ITGA4: variants seen among roughly 807,000 people sequenced by gnomAD.
The protein encoded by ITGA4 is integrin alpha-4.
ITGA4 carries 63 observed loss-of-function variants against 133.6 expected under a neutral mutation model. The ratio of observed to expected loss-of-function variants is 0.47; its 90% CI spans 0.38 to 0.58. The LOEUF (loss-of-function observed/expected upper bound fraction) is 0.58, where lower values mean the gene tolerates loss of function less well. Ranked by LOEUF, ITGA4 falls within the 20% of genes least tolerant of loss-of-function variation. ITGA4 has a pLI of 0.00. For synonymous variants in ITGA4, 483 were observed against 438.0 expected (o/e 1.10, Z -1.28); for missense variants, 1,076 against 1,252.7 (o/e 0.86, Z 2.13).
intron 9 of ITGA4, among the ~76,000 whole-genome samples, chr2:181,484,329 C>A (rs982307414): frequency 6.6e-6 from 1 of 152,108 alleles, no homozygotes; most frequent in Non-Finnish European, 1.5e-5. Context: ...GGGTTCCTAG[C>A]GAACTCTCAG....
At chr2:181,520,306 G>A (rs1235492097) in intron 17 of ITGA4, among the ~76,000 whole-genome samples, 2 of 152,042 alleles carry the variant, frequency 1.3e-5, no homozygotes, top group African/African-American at 2.4e-5. Flanking sequence ...GAAGGAAGAC[G>A]CAAAACATCC....
intron 17 of ITGA4, among the ~76,000 whole-genome samples, chr2:181,519,255 C>A (rs770329273): frequency 6.6e-6 from 1 of 151,836 alleles, no homozygotes; most frequent in Non-Finnish European, 1.5e-5. Context: ...AAATACAAAA[C>A]CGAACAAAAC....
intron 17 of ITGA4, among the ~76,000 whole-genome samples, chr2:181,518,336 G>A (rs1686651947): frequency 6.6e-6 from 1 of 152,100 alleles, no homozygotes; most frequent in South Asian, 2.1e-4. Flanking sequence ...GATGATGCAT[G>A]TGGAAGTAGC....
chr2:181,482,927 TCA>T (rs1398843812), intron 9 of ITGA4, among the ~76,000 whole-genome samples: 1 of 152,164 alleles, frequency 6.6e-6, no homozygotes, highest in Non-Finnish European at 1.5e-5. Flanking sequence ...GAAATTTCTT[TCA>T]GTTTTATGTT....
At chr2:181,489,587 A>G (rs1324261125) in intron 10 of ITGA4, among the ~76,000 whole-genome samples, 1 of 152,200 alleles carries the variant, frequency 6.6e-6, no homozygotes, top group African/African-American at 2.4e-5. Context: ...ACAATTGTAA[A>G]TTACAAGCTG....
intron 19 of ITGA4, 79 bp from the exon 20 acceptor site, chr2:181,524,092 C>G: frequency 2.2e-6 from 2 of 915,454 alleles, no homozygotes; most frequent in Non-Finnish European, 3.4e-6. Context: ...AGAACATAAA[C>G]TTTTAAGAAA....
At chr2:181,511,556 T>C in intron 16 of ITGA4, 143 bp from the exon 17 acceptor site, 1 of 545,150 alleles carries the variant, frequency 1.8e-6, no homozygotes, top group East Asian at 2.9e-5. Context: ...TTGAACTTTT[T>C]AAAAGAGATA....
At chr2:181,531,868 C>A in intron 25 of ITGA4, 92 bp downstream of exon 25, 1 of 815,766 alleles carries the variant, frequency 1.2e-6, no homozygotes, top group Non-Finnish European at 1.8e-6. Flanking sequence ...TGAAGGCATT[C>A]AACAAATTAA....
At chr2:181,472,066 G>A (rs1047366477) in intron 2 of ITGA4, among the ~76,000 whole-genome samples, 1 of 152,232 alleles carries the variant, frequency 6.6e-6, no homozygotes, top group Non-Finnish European at 1.5e-5. Context: ...AAGTGAGAAA[G>A]TGAGTAGTTT....
Position 181,480,139 on chromosome 2 carries a change from T to G in ITGA4, c.627T>G (p.Asp209Glu). Residue 209 changes from aspartate to glutamate, a missense_variant and splice_region_variant, in exon 6 of 28, where the codon GAT becomes GAG. By Grantham distance (45) the Asp-to-Glu change is conservative (BLOSUM62 2). Coordinates refer to ENST00000397033, the MANE Select transcript of ITGA4 (RefSeq NM_000885.6). ...QAGISSFYTKDLIVMGAPGSS... is the reference protein window; with the variant it reads ...QAGISSFYTKELIVMGAPGSS... ...TAATAGTTTTTTTTTTCTTACAGGA[T>G]TTAATTGTGATGGGGGCCCCAGGAT... 1 of 1,547,308 alleles carries G rather than the reference T, an allele frequency of 6.5e-7. No homozygotes were observed. The highest frequency in any genetic ancestry group is 8.7e-7 in the Non-Finnish European group (1 of 1,152,600).
At position 181,495,826 on chromosome 2, in the gene ITGA4, G is replaced by T. The variant is rs1427362651; in HGVS notation, c.1429G>T (p.Glu477Ter). 1 of 1,613,928 alleles carries T rather than the reference G, an allele frequency of 6.2e-7. No individual in the cohort carries two copies. The highest frequency in any genetic ancestry group is 8.5e-7 in the Non-Finnish European group (1 of 1,179,848). Residue 477 changes from glutamate to a stop codon, truncating the protein, a stop_gained, in exon 14 of 28, where the codon GAG (glutamate) becomes TAG (stop). Coordinates refer to ENST00000397033, the MANE Select transcript of ITGA4 (RefSeq NM_000885.6). LOFTEE classifies it high-confidence loss of function. This position sits in a 1 kb window ranked among gnomAD's most constrained non-coding sequence, Gnocchi z 4.3. ...TGTTGACGCTTCTTTAAGCCACCCT[G>T]AGTCAGTAAATAGAACGAAATTTGA... ...VIVDASLSHP[E>*]SVNRTKFDCV...
chr2:181,524,460 G>C, intron 20 of ITGA4: 1 of 444,266 alleles, frequency 2.3e-6, no homozygotes, highest in Non-Finnish European at 3.9e-6. Flanking sequence ...TATTAGATTA[G>C]ATTAGAGTAG....
At chr2:181,507,514 A>T (rs553067511) in intron 15 of ITGA4, among the ~76,000 whole-genome samples, 30 of 152,156 alleles carry the variant, frequency 2.0e-4, no homozygotes, top group Middle Eastern at 6.8e-3. Flanking sequence ...ACTGTGTTTT[A>T]TATGCTACCT....
chr2:181,492,701 A>T (rs155117), intron 10 of ITGA4, among the ~76,000 whole-genome samples: 151,271 of 152,316 alleles, frequency 0.99, 75,132 homozygotes, highest in Middle Eastern at 1. Context: ...AAAGGTGATA[A>T]AATCATTATT....
Position 181,457,505 on chromosome 2 carries a change from C to T in ITGA4, c.-150C>T, listed in dbSNP as rs1685150005. Reference sequence around the variant, plus strand: ...CGCCCGCGGTGGGCCGACTTCCCCTCCTCTTCCCTCTCTCCTTCCTTTAGC... The same window carrying T: ...CGCCCGCGGTGGGCCGACTTCCCCTTCTCTTCCCTCTCTCCTTCCTTTAGC... On this transcript the variant is annotated 5_prime_UTR_variant, in exon 1 of 28. Transcript: ENST00000397033. 8.3e-6 allele frequency: 6 copies of T among 724,898 alleles called. No homozygotes were observed. The highest frequency in any genetic ancestry group is 3.1e-5 in the East Asian group (1 of 32,336). 44.9% of individuals were successfully genotyped at this position (724,898 alleles called of 1,614,324 possible). A position where few individuals can be genotyped will look rare whatever the true frequency, so the allele number is the denominator to read the frequency against.
chr2:181,514,632 T>C (rs1164515020), intron 17 of ITGA4, among the ~76,000 whole-genome samples: 3 of 152,088 alleles, frequency 2.0e-5, no homozygotes, highest in Admixed American at 6.6e-5. Context: ...TTTACCCTCA[T>C]GGGCCTTTGA....
At chr2:181,490,586 A>G (rs1686030797) in intron 10 of ITGA4, among the ~76,000 whole-genome samples, 1 of 151,334 alleles carries the variant, frequency 6.6e-6, no homozygotes, top group Admixed American at 6.6e-5. Flanking sequence ...AGGAAGGGAA[A>G]TTTGGGGGTA....
At chr2:181,460,121 T>C (rs1317129442) in intron 2 of ITGA4, among the ~76,000 whole-genome samples, 1 of 152,222 alleles carries the variant, frequency 6.6e-6, no homozygotes, top group African/African-American at 2.4e-5. Context: ...ACCTGACTGA[T>C]GAGTAAGATA....
At chr2:181,466,974 A>G (rs1685432384) in intron 2 of ITGA4, among the ~76,000 whole-genome samples, 1 of 152,082 alleles carries the variant, frequency 6.6e-6, no homozygotes, top group Admixed American at 6.5e-5. Flanking sequence ...TGCAATGGTA[A>G]ATTTTGTCAT....
Sources: gnomAD v4.1 joint callset for allele counts (sites outside exome capture counted in the v4.1 genomes callset) on GRCh38, gnomAD v4.1.1 for gene constraint, Gnocchi (gnomAD v3.1) non-coding constraint, MANE v1.5 for transcripts, NCBI Gene and HGNC (gene_info 2026-07-23, HGNC 2026-07-21) for gene names.